The following MFSD12 variants were observed in gnomAD, a reference collection of about 807,000 sequenced individuals.
The protein encoded by MFSD12 is major facilitator superfamily domain containing 12.
MFSD12 carries 67 observed loss-of-function variants against 51.2 expected under a neutral mutation model. The observed-to-expected ratio is 1.31, with a 90% CI of 1.08 to 1.60. MFSD12 has a LOEUF of 1.60. Ranked by LOEUF, MFSD12 falls within the 40% of genes most tolerant of loss-of-function variation. MFSD12 has a pLI of 0.00. For missense variants in MFSD12, 921 were observed against 673.0 expected, an observed-to-expected ratio of 1.37 and a Z score of -4.08; for synonymous variants, 441 against 316.7, an observed-to-expected ratio of 1.39 and a Z score of -4.17.
chr19:3,554,174 C>T (rs2031621596), intron 1 of MFSD12, among the ~76,000 whole-genome samples: 1 of 151,714 alleles, frequency 6.6e-6, no homozygotes, highest in Admixed American at 6.6e-5. Flanking sequence ...TGGTTGCTCA[C>T]ACCTGTAATC....
chr19:3,538,689 G>A, exon 5 of MFSD12: 1 of 472,984 alleles, frequency 2.1e-6, no homozygotes, highest in Admixed American at 2.3e-5. Context: ...TTCACTGGGT[G>A]TTCGGTGTTC....
At chr19:3,556,325 T>C (rs1031521473) in intron 1 of MFSD12, among the ~76,000 whole-genome samples, 3 of 152,018 alleles carry the variant, frequency 2.0e-5, no homozygotes, top group African/African-American at 7.3e-5. Context: ...CTCCAGAGGG[T>C]TCAGGGTGGC....
downstream of MFSD12, chr19:3,542,345 C>T (rs138012333): frequency 2.6e-4 from 258 of 985,440 alleles, no homozygotes; most frequent in Middle Eastern, 4.2e-3. Flanking sequence ...CCGGGCTTTC[C>T]GTGCAGGGCA....
chr19:3,547,152 C>T, intron 6 of MFSD12, 120 bp downstream of exon 6: 1 of 894,884 alleles, frequency 1.1e-6, no homozygotes, highest in Non-Finnish European at 1.8e-6. Context: ...TCTGGGGCTT[C>T]TACAAGGCGG....
chr19:3,544,705 A>AGG lies in MFSD12; in HGVS notation c.*3_*4dup. On this transcript the variant is annotated 3_prime_UTR_variant, in exon 10 of 10. Transcript: ENST00000355415. ...CCTTGCACAGGTGCAGGAGGCTGTC[A>AGG]GGAGTCAGGGCCGGGCATCACGGTC... 6.3e-7 allele frequency: 1 copy of AGG among 1,592,716 alleles called. No individual in the cohort carries two copies. Among genetic ancestry groups the AGG allele is most frequent in the Non-Finnish European group, 8.6e-7 (1 of 1,167,996 alleles).
At position 3,557,561 on chromosome 19, in the gene MFSD12, C is replaced by T; in HGVS notation, c.-158G>A. On this transcript the variant is annotated 5_prime_UTR_variant, in exon 1 of 10. Coordinates refer to ENST00000355415, the MANE Select transcript of MFSD12 (RefSeq NM_174983.5). The stretch of plus-strand genomic sequence containing the variant: ...CGGCCGCGCCCTCACCCACGTCCGC[C>T]GCGTCCGCCCCACGCTCGACTCTGC... 2 of 301,086 alleles carry T rather than the reference C, an allele frequency of 6.6e-6. No individual in the cohort carries two copies. The highest frequency in any genetic ancestry group is 1.1e-5 in the Non-Finnish European group (2 of 183,700). The allele number at this position is 301,086 out of a possible 1,614,324, so 18.7% of individuals were successfully genotyped here. A position where few individuals can be genotyped will look rare whatever the true frequency, so the allele number is the denominator to read the frequency against.
intron 1 of MFSD12, among the ~76,000 whole-genome samples, chr19:3,552,036 T>C (rs2031502430): frequency 6.6e-6 from 1 of 152,172 alleles, no homozygotes; most frequent in Admixed American, 6.6e-5. Context: ...TCCTGGCCCC[T>C]GCTGCCTCTA....
chr19:3,540,736 G>A (rs180965388), downstream of MFSD12, among the ~76,000 whole-genome samples: 81 of 151,722 alleles, frequency 5.3e-4, no homozygotes, highest in Non-Finnish European at 8.5e-4. Flanking sequence ...AAAATTAGCC[G>A]GGAATGGTGG....
downstream of MFSD12, chr19:3,543,630 G>C (rs764052909): frequency 3.9e-6 from 6 of 1,544,528 alleles, no homozygotes; most frequent in Non-Finnish European, 4.4e-6. Context: ...CCCAGCACCC[G>C]GTGGGGGAGC....
rs878493 is a variant in MFSD12, at chr19:3,546,187, G to A, written c.1195-19C>T. 183,813 of 1,611,198 alleles carry A rather than the reference G, an allele frequency of 0.11. 11,597 individuals are homozygous for A. Among genetic ancestry groups the A allele is most frequent in the Non-Finnish European group, 0.13 (147,548 of 1,178,646 alleles). Reference sequence around the variant, plus strand: ...CGCTGTTCTGTGGAGACACAGGCGAGGTGGTCAGCGTGCACCCCGAGATCT... The same window carrying A: ...CGCTGTTCTGTGGAGACACAGGCGAAGTGGTCAGCGTGCACCCCGAGATCT... On this transcript the variant is annotated intron_variant, in intron 7 of 9. Transcript: ENST00000355415.
chr19:3,542,135 T>G, downstream of MFSD12: 1 of 985,410 alleles, frequency 1.0e-6, no homozygotes. Flanking sequence ...TAATTGTGTT[T>G]TAAAAGCTAC....
Position 3,546,101 on chromosome 19 carries a change from A to G in MFSD12, c.1262T>C (p.Met421Thr), listed in dbSNP as rs1226436691. The G allele has an allele frequency of 3.7e-6, 6 of 1,613,424 alleles. No individual in the cohort carries two copies. In the Admixed American group the frequency reaches 1.0e-4, roughly 27 times the overall value. ...GCAAGGGTGCAGGCTCTGGATGGCCATGACTGCCAGCCCATTGGCCACCTT... is the reference window on the plus strand; with the variant it reads ...GCAAGGGTGCAGGCTCTGGATGGCCGTGACTGCCAGCCCATTGGCCACCTT... ...LDKVANGLAV[M>T]AIQSLHPCPS... is the part of the protein sequence containing the mutation. Residue 421 changes from methionine (M) to threonine (T), a missense_variant, in exon 8 of 10, where the codon ATG becomes ACG. Physicochemically the swap from Met to Thr is moderately conservative, Grantham distance 81 (BLOSUM62 -1). Coordinates refer to ENST00000355415, the MANE Select transcript of MFSD12 (RefSeq NM_174983.5).
Position 3,557,223 on chromosome 19 carries a change from G to A in MFSD12, c.181C>T (p.Leu61=), listed in dbSNP as rs373958123. The A allele has an allele frequency of 1.9e-4, 294 of 1,587,472 alleles. No individual in the cohort carries two copies. The African/African-American group carries it at 3.6e-3, about 19-fold the overall frequency. The change falls in exon 1 of 10, where the codon CTG becomes TTG. Residue 61 remains leucine (L), a synonymous_variant. Transcript: ENST00000355415. ...TCGGCCACCTGGCCCAGCAGCAGCA[G>A]CAGCCCCGCGCCGCGGGAGCTGTAG... ...RAYSSRGAGL[L]LLLGQVADGL... is the part of the protein sequence containing the mutation.
chr19:3,540,420 G>A (rs544055626), downstream of MFSD12, among the ~76,000 whole-genome samples: 7 of 151,808 alleles, frequency 4.6e-5, no homozygotes, highest in South Asian at 1.2e-3. Context: ...ACCATGCCCA[G>A]CTAATTTTTG....
chr19:3,544,013 G>T (rs764787534), downstream of MFSD12: 1 of 1,533,496 alleles, frequency 6.5e-7, no homozygotes, highest in Non-Finnish European at 8.8e-7. Context: ...CCCGATAAAG[G>T]CATGCTACCA....
chr19:3,543,146 C>G, downstream of MFSD12: 2 of 1,513,238 alleles, frequency 1.3e-6, no homozygotes, highest in Non-Finnish European at 1.8e-6. Context: ...GGCCAGGCCT[C>G]TACATCATCC....
Position 3,544,323 on chromosome 19 carries a change from G to C in MFSD12, c.*387C>G, listed in dbSNP as rs772806295. ...TGGCTGTCTCCTCCAGGCTCCAGCCGTCCTGAGGGGGCCCTGGCAGTGTCT... is the reference window on the plus strand; with the variant it reads ...TGGCTGTCTCCTCCAGGCTCCAGCCCTCCTGAGGGGGCCCTGGCAGTGTCT... On this transcript the variant is annotated 3_prime_UTR_variant, in exon 10 of 10. Coordinates refer to ENST00000355415, the MANE Select transcript of MFSD12 (RefSeq NM_174983.5). 1.7e-4 allele frequency: 222 copies of C among 1,272,028 alleles called. 1 individual carries two copies. In the African/African-American group the frequency reaches 3.0e-3, roughly 17 times the overall value. The allele number at this position is 1,272,028 out of a possible 1,614,324, so 78.8% of individuals were successfully genotyped here.
downstream of MFSD12, chr19:3,542,849 A>C: frequency 1.4e-6 from 2 of 1,380,176 alleles, no homozygotes; most frequent in African/African-American, 1.5e-5. Flanking sequence ...TTCCTGGTGC[A>C]CCTCCAGGCC....
chr19:3,549,383 C>T (rs940149454), intron 2 of MFSD12, among the ~76,000 whole-genome samples: 6 of 152,164 alleles, frequency 3.9e-5, no homozygotes, highest in South Asian at 2.1e-4. Flanking sequence ...AAAGGGACTT[C>T]GCAGTGTGTT....
Sources: allele counts gnomAD v4.1 joint callset (sites outside exome capture counted in the v4.1 genomes callset), GRCh38; gene constraint gnomAD v4.1.1; transcripts MANE v1.5; gene names NCBI Gene and HGNC (gene_info 2026-07-23, HGNC 2026-07-21).